ESR1: variants seen among roughly 807,000 people sequenced by gnomAD.
The protein encoded by ESR1 is estrogen receptor.
In ESR1, 12 loss-of-function variants were observed where a neutral mutation model predicts 52.7. That is an observed-to-expected ratio of 0.23 (90% CI 0.15 to 0.37). The LOEUF is 0.37. Ranked by LOEUF, ESR1 falls within the 10% of genes least tolerant of loss-of-function variation. The pLI is 1.00. For synonymous variants in ESR1, 305 were observed against 316.8 expected (o/e 0.96, Z 0.39); for missense variants, 584 against 779.7 (o/e 0.75, Z 2.99).
At chr6:151,951,199 T>C (rs2036284774) in intron 4 of ESR1, among the ~76,000 whole-genome samples, 1 of 152,208 alleles carries the variant, frequency 6.6e-6, no homozygotes, top group Non-Finnish European at 1.5e-5. Context: ...GCATCTTTGA[T>C]GCATTTGAAT....
chr6:151,680,969 C>T (rs1007461022), intron 1 of ESR1, among the ~76,000 whole-genome samples: 2 of 152,132 alleles, frequency 1.3e-5, no homozygotes, highest in African/African-American at 2.4e-5. Flanking sequence ...GTAGACGCCC[C>T]GTCTCTGGGA....
chr6:152,003,513 C>A (rs1017511279), intron 4 of ESR1, among the ~76,000 whole-genome samples: 7 of 152,016 alleles, frequency 4.6e-5, no homozygotes, highest in South Asian at 2.1e-4. Flanking sequence ...TCCCATGAAA[C>A]AAGTAAAATT....
chr6:151,762,380 T>C lies in ESR1; in HGVS notation c.-70-45463T>C, dbSNP rs144487930. Among the ~76,000 whole-genome samples the C allele has an allele frequency of 1.4e-3, 213 of 152,332 alleles. 1 individual carries two copies. Among genetic ancestry groups the C allele is most frequent in the African/African-American group, 4.9e-3 (204 of 41,576 alleles). On this transcript the variant is annotated intron_variant, in intron 2 of 2. Coordinates refer to the ESR1 transcript ENST00000404742. Reference sequence around the variant, plus strand: ...GTTATAGGCTTTGCAAGTTATTTTTTATAAATTAGTTTTGCTGGTGTGCTG... The same window carrying C: ...GTTATAGGCTTTGCAAGTTATTTTTCATAAATTAGTTTTGCTGGTGTGCTG...
rs1554293654 is a variant in ESR1 at position 151,956,863 on chromosome 6, A to AAAT, written c.1096+12356_1096+12357insATA. 3.3e-4 allele frequency among the ~76,000 whole-genome samples: 18 copies of AAAT among 53,902 alleles called. No homozygotes were observed. In the East Asian group the frequency reaches 6.0e-3, roughly 18 times the overall value. The allele number at this position is 53,902 out of a possible 152,430, so 35.4% of individuals were successfully genotyped here. On this transcript the variant is annotated intron_variant, in intron 4 of 7. Transcript: ENST00000206249. Reference sequence around the variant, plus strand: ...AAATAAATATATATATATATATATAAATATATATATATATATAAAATTTTT... The same window carrying AAAT: ...AAATAAATATATATATATATATATAAAATATATATATATATATATAAAATTTTT...
At chr6:151,790,243 A>G (rs1422851023) in intron 2 of ESR1, among the ~76,000 whole-genome samples, 4 of 152,122 alleles carry the variant, frequency 2.6e-5, no homozygotes, top group Non-Finnish European at 5.9e-5. Flanking sequence ...CATGAGCTCC[A>G]TTTTCCTCCG....
chr6:151,664,097 T>C lies in ESR1; in HGVS notation n.73+7334T>C, dbSNP rs191796612. ...CCAGGTACATCACATTCTTGCTAGA[T>C]GAGTAAAGGTAAGCATACTTAGAAG... is the stretch of plus-strand genomic sequence containing the variant. On this transcript the variant is annotated intron_variant and non_coding_transcript_variant, in intron 1 of 2. Coordinates refer to the ESR1 transcript ENST00000473497. 3.0e-4 allele frequency among the ~76,000 whole-genome samples: 45 copies of C among 152,274 alleles called. No homozygotes were observed. The East Asian group carries it at 8.5e-3, about 29-fold the overall frequency.
At chr6:152,063,930 G>A (rs1316507700) in intron 6 of ESR1, among the ~76,000 whole-genome samples, 2 of 152,210 alleles carry the variant, frequency 1.3e-5, no homozygotes, top group Non-Finnish European at 2.9e-5. Flanking sequence ...GGAATTGAAA[G>A]GTTGTTGTGA....
intron 2 of ESR1, among the ~76,000 whole-genome samples, chr6:151,783,212 C>G (rs1786712974): frequency 6.6e-6 from 1 of 152,218 alleles, no homozygotes; most frequent in Admixed American, 6.5e-5. Flanking sequence ...CACTTTTACA[C>G]AGTGTCTATG....
chr6:151,932,739 G>GATT (rs1235151824), intron 3 of ESR1, among the ~76,000 whole-genome samples: 24 of 151,968 alleles, frequency 1.6e-4, no homozygotes, highest in African/African-American at 5.3e-4. Context: ...GTTTTTCTCA[G>GATT]GTTTGTCAAA....
At chr6:151,945,790 A>G (rs1164117915) in intron 4 of ESR1, among the ~76,000 whole-genome samples, 1 of 152,216 alleles carries the variant, frequency 6.6e-6, no homozygotes, top group Non-Finnish European at 1.5e-5. Context: ...GGCCAAGTGA[A>G]CTTATGTCTG....
intron 3 of ESR1, among the ~76,000 whole-genome samples, chr6:151,939,419 A>G (rs1194157154): frequency 6.6e-6 from 1 of 152,202 alleles, no homozygotes; most frequent in Non-Finnish European, 1.5e-5. Flanking sequence ...GGTAGAAAGC[A>G]AGGAATGAGT....
At chr6:151,946,618 A>G (rs1483633566) in intron 4 of ESR1, among the ~76,000 whole-genome samples, 3 of 152,194 alleles carry the variant, frequency 2.0e-5, no homozygotes, top group African/African-American at 4.8e-5. Context: ...AATGATTCCA[A>G]AATCCTTAGA....
At chr6:151,806,678 G>C (rs1445579085), upstream of ESR1, among the ~76,000 whole-genome samples, 1 of 151,680 alleles carries the variant, frequency 6.6e-6, no homozygotes, top group South Asian at 2.1e-4. Context: ...CAAGTGAACC[G>C]AGAAGATCGA....
At chr6:151,947,134 A>G (rs1416855881) in intron 4 of ESR1, among the ~76,000 whole-genome samples, 1 of 152,184 alleles carries the variant, frequency 6.6e-6, no homozygotes, top group Non-Finnish European at 1.5e-5. Context: ...CCTGGCCAAC[A>G]TGACAAAACC....
rs564103181 is a variant in ESR1, at chr6:151,966,967, A to G, written c.1096+22459A>G. 2.2e-4 allele frequency among the ~76,000 whole-genome samples: 34 copies of G among 152,178 alleles called. 1 individual carries two copies. The highest frequency in any genetic ancestry group is 4.1e-4 in the Non-Finnish European group (28 of 68,000). ...ACTGTAGTGGGACAAGCAAATCCCTATTTCACGTGATCATTGCTCAAACCT... is the reference window on the plus strand; with the variant it reads ...ACTGTAGTGGGACAAGCAAATCCCTGTTTCACGTGATCATTGCTCAAACCT... On this transcript the variant is annotated intron_variant, in intron 4 of 7. Transcript: ENST00000206249.
chr6:152,009,879 T>C lies in ESR1; in HGVS notation c.1097-1777T>C, dbSNP rs561379677. 7.9e-5 allele frequency among the ~76,000 whole-genome samples: 12 copies of C among 152,266 alleles called. 1 individual carries two copies. In the South Asian group the frequency reaches 2.5e-3, roughly 32 times the overall value. ...CGTATTTATTTATAGGACATATCCA[T>C]GCAATGGAATACCACTTAGGAATAG... On this transcript the variant is annotated intron_variant, in intron 4 of 7. Coordinates refer to ENST00000206249, the MANE Select transcript of ESR1 (RefSeq NM_000125.4).
chr6:151,853,604 T>C (rs1787289620), intron 2 of ESR1, among the ~76,000 whole-genome samples: 1 of 152,202 alleles, frequency 6.6e-6, no homozygotes. Context: ...CCCCTATTTC[T>C]TGGCAGCTTT....
At chr6:152,043,068 A>G (rs1477511424) in intron 5 of ESR1, among the ~76,000 whole-genome samples, 1 of 152,156 alleles carries the variant, frequency 6.6e-6, no homozygotes, top group Non-Finnish European at 1.5e-5. Flanking sequence ...TGCTGGTCAA[A>G]GGTATATCTT....
intron 2 of ESR1, among the ~76,000 whole-genome samples, chr6:151,761,992 C>T (rs906758891): frequency 1.3e-5 from 2 of 152,182 alleles, no homozygotes; most frequent in Non-Finnish European, 2.9e-5. Flanking sequence ...CTAAACAAAA[C>T]GTGCTTTTTT....
Sources: gnomAD v4.1 joint callset for allele counts (sites outside exome capture counted in the v4.1 genomes callset) on GRCh38, gnomAD v4.1.1 for gene constraint, MANE v1.5 for transcripts, NCBI Gene and HGNC (gene_info 2026-07-23, HGNC 2026-07-21) for gene names.